EP400: variants seen among roughly 807,000 people sequenced by gnomAD.
EP400 encodes E1A-binding protein p400.
EP400 carries 105 observed loss-of-function variants against 354.1 expected under a neutral mutation model. The ratio of observed to expected loss-of-function variants is 0.30; its 90% CI spans 0.25 to 0.35. The LOEUF (loss-of-function observed/expected upper bound fraction) is 0.35. Among genes scored for constraint, EP400 ranks in the 10% least tolerant of loss-of-function variants. EP400 has a pLI of 1.00. For synonymous variants in EP400, 1,646 were observed against 1,716.9 expected, an observed-to-expected ratio of 0.96 and a Z score of 1.02; for missense variants, 3,280 against 4,121.0, an observed-to-expected ratio of 0.80 and a Z score of 5.59.
intron 25 of EP400, among the ~76,000 whole-genome samples, chr12:132,026,648 G>A (rs1036750059): frequency 2.0e-5 from 3 of 152,072 alleles, no homozygotes; most frequent in African/African-American, 7.2e-5. Flanking sequence ...CCTTCTTTGC[G>A]GGCTGATGAG....
rs1243185671 is a variant in EP400, at chr12:132,037,696, A to G, written c.5966A>G (p.Asn1989Ser). The G allele has an allele frequency of 2.5e-6, 4 of 1,614,158 alleles. No individual in the cohort carries two copies. The highest frequency in any genetic ancestry group is 8.5e-7 in the Non-Finnish European group (1 of 1,179,990). ...TTTGTTTGCAGGCTTGTGAGTGGCAATTCCATTGAAGAGAAATTGTTGAAA... is the reference window on the plus strand; with the variant it reads ...TTTGTTTGCAGGCTTGTGAGTGGCAGTTCCATTGAAGAGAAATTGTTGAAA... ...DIHIYRLVSG[N>S]SIEEKLLKNG... The change falls in exon 31 of 53, where the codon AAT becomes AGT. Residue 1989 changes from asparagine (N) to serine (S), a missense_variant. Asn to Ser is a conservative substitution (Grantham distance 46). Around this residue, in one of 20 missense-constraint regions of EP400, gnomAD observed 459 missense variants for 496.9 expected, o/e 0.92. Coordinates refer to ENST00000389561, the MANE Select transcript of EP400 (RefSeq NM_015409.5).
rs143004018 is a variant in EP400, at chr12:131,983,539, G to A, written c.1929+1061G>A. Among the ~76,000 whole-genome samples, 859 of 152,336 alleles carry A rather than the reference G, an allele frequency of 5.6e-3. 7 individuals are homozygous for A. The highest frequency in any genetic ancestry group is 0.02 in the African/African-American group (813 of 41,574). On this transcript the variant is annotated intron_variant, in intron 5 of 52. Coordinates refer to ENST00000389561, the MANE Select transcript of EP400 (RefSeq NM_015409.5). The stretch of plus-strand genomic sequence containing the variant: ...TCAACAGGGCACTGACAGGGAGGCC[G>A]GGGAGGACTCTCAGCCCCCTTGGTT...
chr12:132,058,434 A>C (rs562115586), intron 45 of EP400, among the ~76,000 whole-genome samples: 9 of 149,072 alleles, frequency 6.0e-5, no homozygotes, highest in African/African-American at 2.2e-4. Flanking sequence ...GGCTCACTGC[A>C]ACCTCCGCCT....
intron 6 of EP400, among the ~76,000 whole-genome samples, chr12:131,987,222 C>T (rs1033889039): frequency 6.6e-6 from 1 of 152,158 alleles, no homozygotes; most frequent in Non-Finnish European, 1.5e-5. Flanking sequence ...TTATTTTGTT[C>T]AACTTCATTA....
chr12:131,970,571 T>A (rs1566165874), intron 2 of EP400, among the ~76,000 whole-genome samples: 1 of 152,182 alleles, frequency 6.6e-6, no homozygotes, highest in African/African-American at 2.4e-5. Context: ...ACAGAATGGA[T>A]GGGCTGTGTC....
chr12:131,960,858 G>GC lies in EP400; in HGVS notation c.242dup (p.Val82CysfsTer33). 1 of 1,614,018 alleles carries GC rather than the reference G, an allele frequency of 6.2e-7. No homozygotes were observed. The highest frequency in any genetic ancestry group is 8.5e-7 in the Non-Finnish European group (1 of 1,180,026). On this transcript the variant is annotated frameshift_variant, in exon 2 of 53. Transcript: ENST00000389561. LOFTEE classifies it high-confidence loss of function. ...GTGAACATCACCCTGCAGAGCGTGGGCCCTGTCGTCGGGGGAAACCAGCAG... is the reference window on the plus strand; with the variant it reads ...GTGAACATCACCCTGCAGAGCGTGGGCCCCTGTCGTCGGGGGAAACCAGCAG...
At chr12:131,972,835 G>A (rs1270972740) in intron 2 of EP400, among the ~76,000 whole-genome samples, 3 of 143,972 alleles carry the variant, frequency 2.1e-5, no homozygotes, top group African/African-American at 5.2e-5. Flanking sequence ...AGGCTCAAAC[G>A]ATTCTCCTGT....
At chr12:132,064,312 T>G (rs1380654888) in intron 47 of EP400, among the ~76,000 whole-genome samples, 1 of 152,208 alleles carries the variant, frequency 6.6e-6, no homozygotes, top group African/African-American at 2.4e-5. Flanking sequence ...CATGATCAAC[T>G]CAGTATAGGT....
intron 15 of EP400, among the ~76,000 whole-genome samples, chr12:132,007,781 A>G (rs1305579070): frequency 1.3e-5 from 2 of 152,158 alleles, no homozygotes; most frequent in Admixed American, 1.3e-4. Context: ...GTAAAGCTGG[A>G]CACGTTTAAA....
chr12:132,016,191 C>T (rs545894782), intron 19 of EP400, among the ~76,000 whole-genome samples: 3 of 152,282 alleles, frequency 2.0e-5, no homozygotes, highest in South Asian at 2.1e-4. Context: ...TCCTTCCCAC[C>T]GCTGCTCTCT....
intron 12 of EP400, among the ~76,000 whole-genome samples, chr12:132,002,616 G>T (rs1893454051): frequency 6.6e-6 from 1 of 152,234 alleles, no homozygotes; most frequent in South Asian, 2.1e-4. Flanking sequence ...GCATGCTGAG[G>T]GCAGGCTGAG....
At position 131,949,950 on chromosome 12, in the gene EP400, G is replaced by C. The variant is rs1053638167; in HGVS notation, c.-122G>C. 6.6e-6 allele frequency: 1 copy of C among 151,994 alleles called. No individual in the cohort carries two copies. The highest frequency in any genetic ancestry group is 6.6e-5 in the Admixed American group (1 of 15,262). The allele number at this position is 151,994 out of a possible 1,614,324, so 9.4% of individuals were successfully genotyped here. A position where few individuals can be genotyped will look rare whatever the true frequency, so the allele number is the denominator to read the frequency against. Reference sequence around the variant, plus strand: ...AGCCGCGCCGCCGCTTCCTCCCGCCGGGGCCCCGGATGCACTGAGCGGCTG... The same window carrying C: ...AGCCGCGCCGCCGCTTCCTCCCGCCCGGGCCCCGGATGCACTGAGCGGCTG... On this transcript the variant is annotated 5_prime_UTR_variant, in exon 1 of 53. Coordinates refer to ENST00000389561, the MANE Select transcript of EP400 (RefSeq NM_015409.5).
In EP400 at chr12:132,075,943, C is replaced by T. The variant is rs917825040; in HGVS notation, c.9022-573C>T. ...AGAGCCTCTTACTACGTCAAGACAG[C>T]GGGAGATGCATGCAGTAGCAAGTGC... On this transcript the variant is annotated intron_variant, in intron 51 of 52. Coordinates refer to ENST00000389561, the MANE Select transcript of EP400 (RefSeq NM_015409.5). The surrounding 1 kb of genome is among the most constrained non-coding windows in gnomAD (Gnocchi z 4.5). The T allele has an allele frequency of 1.6e-5, 3 of 186,072 alleles. No individual in the cohort carries two copies. The highest frequency in any genetic ancestry group is 1.3e-4 in the East Asian group (1 of 7,690). 11.5% of individuals were successfully genotyped at this position (186,072 alleles called of 1,614,324 possible).
intron 31 of EP400, 54 bp downstream of exon 31, chr12:132,037,847 A>G: frequency 1.2e-6 from 2 of 1,609,758 alleles, no homozygotes; most frequent in South Asian, 1.1e-5. Context: ...CGGCGCGTGG[A>G]ATCGCATGGT....
chr12:132,004,398 AT>A (rs139904688), intron 12 of EP400, among the ~76,000 whole-genome samples: 18 of 151,424 alleles, frequency 1.2e-4, no homozygotes, highest in East Asian at 3.9e-4. Flanking sequence ...AATGTGTGGT[AT>A]TTTTTTTTAA....
intron 39 of EP400, among the ~76,000 whole-genome samples, chr12:132,048,857 A>T (rs535185147): frequency 6.6e-6 from 1 of 152,312 alleles, no homozygotes; most frequent in Admixed American, 6.5e-5. Flanking sequence ...GCTGTGGGTG[A>T]TGTTCTGAAT....
At chr12:131,962,292 T>C (rs1891913337) in intron 2 of EP400, among the ~76,000 whole-genome samples, 1 of 152,214 alleles carries the variant, frequency 6.6e-6, no homozygotes, top group Non-Finnish European at 1.5e-5. Context: ...CCCTTGTATC[T>C]GGGTGTGTGG....
chr12:132,011,592 C>CTCATATAT lies in EP400; in HGVS notation c.3401_3408dup (p.Gly1137HisfsTer55). On this transcript the variant is annotated frameshift_variant, in exon 16 of 53. Transcript: ENST00000389561. LOFTEE classifies it high-confidence loss of function. ...GTTGGTGTCCCGGACTCAAAATCCT[C>CTCATATAT]TCATATATTGGCAGCCACAGAGAAC... The CTCATATAT allele has an allele frequency of 6.2e-7, 1 of 1,613,504 alleles. No individual in the cohort carries two copies. The highest frequency in any genetic ancestry group is 8.5e-7 in the Non-Finnish European group (1 of 1,179,802).
intron 1 of EP400, among the ~76,000 whole-genome samples, chr12:131,954,131 T>G (rs1175946500): frequency 6.6e-6 from 1 of 151,972 alleles, no homozygotes; most frequent in African/African-American, 2.4e-5. Flanking sequence ...AGAGAAAATT[T>G]TACGGTGAAC....
Sources: gnomAD v4.1 joint callset for allele counts (sites outside exome capture counted in the v4.1 genomes callset) on GRCh38, gnomAD v4.1.1 for gene constraint, gnomAD v4.1.1 regional missense constraint, Gnocchi (gnomAD v3.1) non-coding constraint, MANE v1.5 for transcripts, NCBI Gene and HGNC (gene_info 2026-07-23, HGNC 2026-07-21) for gene names.